KATNIP: variants seen among roughly 807,000 people sequenced by gnomAD.
KATNIP encodes katanin interacting protein.
In KATNIP, 126 loss-of-function variants were observed where a neutral mutation model predicts 174.0. The ratio of observed to expected loss-of-function variants is 0.72; its 90% CI spans 0.63 to 0.84. The LOEUF is 0.84. Ranked by LOEUF, KATNIP falls within the 40% of genes least tolerant of loss-of-function variation. The probability of loss-of-function intolerance (pLI) is 0.00; values close to 1 mark genes in which losing one functional copy is unlikely to be tolerated. For missense variants in KATNIP, 1,958 were observed against 2,109.7 expected, an observed-to-expected ratio of 0.93 and a Z score of 1.41; for synonymous variants, 810 against 835.7, an observed-to-expected ratio of 0.97 and a Z score of 0.53.
chr16:27,699,826 A>G (rs1322447395), intron 10 of KATNIP, among the ~76,000 whole-genome samples: 1 of 152,174 alleles, frequency 6.6e-6, no homozygotes, highest in Non-Finnish European at 1.5e-5. Flanking sequence ...TGGCTTACCC[A>G]AGGTCACGAG....
At chr16:27,560,658 A>G (rs1039731433) in intron 1 of KATNIP, among the ~76,000 whole-genome samples, 5 of 151,982 alleles carry the variant, frequency 3.3e-5, no homozygotes, top group African/African-American at 1.2e-4. Context: ...TCACTTCCAC[A>G]CTGTAAATTG....
intron 14 of KATNIP, among the ~76,000 whole-genome samples, chr16:27,725,062 G>A (rs144896127): frequency 1.2e-3 from 186 of 152,302 alleles, no homozygotes; most frequent in African/African-American, 4.3e-3. Flanking sequence ...AAGTGAGGAC[G>A]TGGAGGCTGC....
intron 2 of KATNIP, among the ~76,000 whole-genome samples, chr16:27,581,739 C>A (rs912613242): frequency 1.3e-5 from 2 of 152,126 alleles, no homozygotes; most frequent in Non-Finnish European, 2.9e-5. Context: ...TCCCTCACCC[C>A]CTTCCCACCC....
chr16:27,712,612 G>A (rs1191084491), intron 13 of KATNIP, among the ~76,000 whole-genome samples: 1 of 152,066 alleles, frequency 6.6e-6, no homozygotes, highest in East Asian at 1.9e-4. Flanking sequence ...ATGTGGGAGT[G>A]CCCCAGCCTC....
At chr16:27,593,661 C>A (rs1277465705) in intron 2 of KATNIP, among the ~76,000 whole-genome samples, 1 of 151,882 alleles carries the variant, frequency 6.6e-6, no homozygotes, top group Non-Finnish European at 1.5e-5. Flanking sequence ...CTCCCATGTA[C>A]CTGGGACCAC....
intron 2 of KATNIP, among the ~76,000 whole-genome samples, chr16:27,605,362 G>A (rs2075668822): frequency 6.6e-6 from 1 of 152,320 alleles, no homozygotes; most frequent in Admixed American, 6.5e-5. Context: ...GACATGGATT[G>A]AAAATGATGT....
Position 27,698,368 on chromosome 16 carries a change from CAAAACTCT to C in KATNIP, c.982_989del (p.Lys328LeufsTer4). On this transcript the variant is annotated frameshift_variant, in exon 9 of 28. Coordinates refer to ENST00000261588, the MANE Select transcript of KATNIP (RefSeq NM_015202.5). LOFTEE classifies it high-confidence loss of function. ...GAGAGAGACCCCTGTCTGCAACCCG[CAAAACTCT>C]TTGCGAGGCTGAGTACCCAGAGGAA... 1 of 1,612,998 alleles carries C rather than the reference CAAAACTCT, an allele frequency of 6.2e-7. No individual in the cohort carries two copies. Among genetic ancestry groups the C allele is most frequent in the Non-Finnish European group, 8.5e-7 (1 of 1,179,462 alleles).
At chr16:27,641,157 G>C (rs1271478198) in intron 5 of KATNIP, among the ~76,000 whole-genome samples, 2 of 151,666 alleles carry the variant, frequency 1.3e-5, no homozygotes, top group Admixed American at 1.3e-4. Context: ...AAAAAGGAGA[G>C]AGAGAGACCT....
chr16:27,689,867 C>T (rs1440260404), intron 8 of KATNIP, among the ~76,000 whole-genome samples: 2 of 152,122 alleles, frequency 1.3e-5, no homozygotes, highest in East Asian at 3.8e-4. Flanking sequence ...AGGACCTTGG[C>T]TAGGACAGCC....
At chr16:27,614,860 C>G (rs2075995909) in intron 2 of KATNIP, among the ~76,000 whole-genome samples, 1 of 152,144 alleles carries the variant, frequency 6.6e-6, no homozygotes, top group African/African-American at 2.4e-5. Context: ...TGGGGCTCTA[C>G]AGGGAACAGG....
intron 3 of KATNIP, among the ~76,000 whole-genome samples, chr16:27,624,642 C>A (rs568483607): frequency 6.6e-6 from 1 of 151,880 alleles, no homozygotes; most frequent in East Asian, 1.9e-4. Context: ...ACAGGGAGAC[C>A]CTGTCTCTAC....
At chr16:27,767,140 T>C (rs2144125113) in intron 20 of KATNIP, among the ~76,000 whole-genome samples, 1 of 152,078 alleles carries the variant, frequency 6.6e-6, no homozygotes, top group African/African-American at 2.4e-5. Context: ...AAAGTGACAA[T>C]GAGGCCACCG....
chr16:27,678,270 T>A (rs1360886165), intron 7 of KATNIP, among the ~76,000 whole-genome samples: 2 of 152,246 alleles, frequency 1.3e-5, no homozygotes, highest in African/African-American at 4.8e-5. Flanking sequence ...ACATACCAGT[T>A]GGCTAATACA....
intron 4 of KATNIP, 146 bp from the exon 5 acceptor site, chr16:27,630,919 G>T: frequency 1.6e-6 from 1 of 619,052 alleles, no homozygotes; most frequent in Non-Finnish European, 2.9e-6. Context: ...ATGTCTTGTT[G>T]CCACAACCAC....
At chr16:27,670,249 T>C (rs1455888385) in intron 6 of KATNIP, among the ~76,000 whole-genome samples, 1 of 152,246 alleles carries the variant, frequency 6.6e-6, no homozygotes, top group African/African-American at 2.4e-5. Flanking sequence ...CCACATTGCC[T>C]GCCCTCTCCT....
At chr16:27,732,731 C>T (rs181792586) in intron 14 of KATNIP, among the ~76,000 whole-genome samples, 3 of 152,326 alleles carry the variant, frequency 2.0e-5, no homozygotes, top group Admixed American at 6.5e-5. Context: ...CTCCATATCT[C>T]GATAGACCTA....
intron 3 of KATNIP, 37 bp downstream of exon 3, chr16:27,618,538 G>A (rs1169494445): frequency 2.1e-6 from 3 of 1,447,668 alleles, no homozygotes; most frequent in South Asian, 1.1e-5. Flanking sequence ...CTTGATATTA[G>A]CGAAGTAAAA....
Position 27,771,635 on chromosome 16 carries a change from C to T in KATNIP, c.4181C>T (p.Pro1394Leu), listed in dbSNP as rs775676774. Residue 1394 changes from proline to leucine, a missense_variant, in exon 22 of 28, where the codon CCG (proline) becomes CTG (leucine). This residue lies in a region of KATNIP where 383 missense variants were observed against 456.0 expected (regional missense o/e 0.84). Coordinates refer to ENST00000261588, the MANE Select transcript of KATNIP (RefSeq NM_015202.5). ...TGTGCAAGCATGGACTACGAGGCAC[C>T]GCTGATGCCCTGTGGCTGTATCCTT... Reference protein sequence around the residue: ...LECASMDYEAPLMPCGFIFQF... With the variant: ...LECASMDYEALLMPCGFIFQF... 22 of 1,613,274 alleles carry T rather than the reference C, an allele frequency of 1.4e-5. No individual in the cohort carries two copies. The highest frequency in any genetic ancestry group is 3.3e-5 in the Admixed American group (2 of 59,950).
At chr16:27,775,632 C>T (rs1597434016) in intron 24 of KATNIP, among the ~76,000 whole-genome samples, 1 of 152,284 alleles carries the variant, frequency 6.6e-6, no homozygotes. Context: ...TCTGAGGCCT[C>T]ATGGTGAGAA....
Sources: allele counts gnomAD v4.1 joint callset (sites outside exome capture counted in the v4.1 genomes callset), GRCh38; gene constraint gnomAD v4.1.1; regional missense constraint gnomAD v4.1.1; transcripts MANE v1.5; gene names NCBI Gene and HGNC (gene_info 2026-07-23, HGNC 2026-07-21).